Variants in KIF9 observed in about 807,000 individuals in gnomAD.
KIF9 encodes kinesin family member 9.
Under a neutral mutation model 94.8 loss-of-function variants are expected in KIF9, and 68 were observed. That is an observed-to-expected ratio of 0.72 (90% CI 0.59 to 0.88). The LOEUF (loss-of-function observed/expected upper bound fraction) is 0.88, where lower values mean the gene tolerates loss of function less well. Among genes scored for constraint, KIF9 ranks in the 40% least tolerant of loss-of-function variants. The pLI, the probability that KIF9 is intolerant of heterozygous loss-of-function variation, is 0.00. For missense variants in KIF9, 882 were observed against 982.5 expected, an observed-to-expected ratio of 0.90 and a Z score of 1.37; for synonymous variants, 343 against 362.1, an observed-to-expected ratio of 0.95 and a Z score of 0.60.
Position 47,235,524 on chromosome 3 carries a change from T to C in KIF9, c.2311A>G (p.Ile771Val). The C allele has an allele frequency of 1.2e-6, 2 of 1,612,944 alleles. No homozygotes were observed. Among genetic ancestry groups the C allele is most frequent in the Non-Finnish European group, 1.7e-6 (2 of 1,178,904 alleles). The change falls in exon 20 of 21, where the codon ATA (isoleucine) becomes GTA (valine). Residue 771 changes from isoleucine (I) to valine (V), a missense_variant. By Grantham distance (29) the Ile-to-Val change is conservative (BLOSUM62 3). Coordinates refer to ENST00000684063, the MANE Select transcript of KIF9 (RefSeq NM_182902.4). ...GGCCTCTGAGTTACCTTCTGCTCTA[T>C]CTTGACTTTGGCATTGTAGAAGGAG... Reference protein sequence around the residue: ...SISFYNAKVKIEQKHNYLKTM... With the variant: ...SISFYNAKVKVEQKHNYLKTM...
chr3:47,231,193 A>C (rs1259981811), intron 20 of KIF9, among the ~76,000 whole-genome samples: 1 of 152,174 alleles, frequency 6.6e-6, no homozygotes, highest in Non-Finnish European at 1.5e-5. Flanking sequence ...GTATGCAAAA[A>C]GATAACGGTT....
chr3:47,236,418 C>T lies in KIF9; in HGVS notation c.2101+25G>A, dbSNP rs770148203. On this transcript the variant is annotated intron_variant, in intron 18 of 20. Transcript: ENST00000684063. ...CTGAGTCTCCTTGTACCTCAGGTGG[C>T]GGCCAACCTTCCCAACTGTCGCACC... is the stretch of plus-strand genomic sequence containing the variant. The T allele has an allele frequency of 6.8e-6, 11 of 1,610,822 alleles. No individual in the cohort carries two copies. In the African/African-American group the frequency reaches 8.0e-5, roughly 12 times the overall value.
At chr3:47,246,145 G>C in intron 13 of KIF9, 52 bp downstream of exon 13, 1 of 1,532,606 alleles carries the variant, frequency 6.5e-7, no homozygotes, top group Non-Finnish European at 9.0e-7. Context: ...GATGGCAGGA[G>C]ATGAAAATGG....
intron 16 of KIF9, 68 bp from the exon 17 acceptor site, chr3:47,241,083 A>G (rs1199153229): frequency 7.9e-6 from 11 of 1,400,228 alleles, no homozygotes; most frequent in Non-Finnish European, 9.1e-6. Flanking sequence ...CAGGCACTTC[A>G]TCTTTCTTCC....
chr3:47,252,532 G>A (rs995901095), intron 10 of KIF9, among the ~76,000 whole-genome samples: 7 of 152,046 alleles, frequency 4.6e-5, no homozygotes, highest in Non-Finnish European at 8.8e-5. Flanking sequence ...AGGCAGTTGA[G>A]GCTGCAGTGA....
chr3:47,265,405 C>T (rs544750270), intron 8 of KIF9, among the ~76,000 whole-genome samples: 1 of 152,164 alleles, frequency 6.6e-6, no homozygotes, highest in East Asian at 1.9e-4. Context: ...AGGGAAGACA[C>T]CATGGGAGAG....
intron 10 of KIF9, among the ~76,000 whole-genome samples, chr3:47,253,518 T>C (rs1013827284): frequency 1.4e-4 from 21 of 152,150 alleles, no homozygotes; most frequent in Admixed American, 9.2e-4. Flanking sequence ...CTGCATACCA[T>C]GCTACAAATC....
intron 9 of KIF9, among the ~76,000 whole-genome samples, chr3:47,259,005 C>T (rs569082815): frequency 3.3e-5 from 5 of 152,252 alleles, no homozygotes; most frequent in South Asian, 2.1e-4. Flanking sequence ...CCCTGAGCAG[C>T]GTCTGCTCAA....
At chr3:47,268,423 G>A (rs761738207) in intron 5 of KIF9, among the ~76,000 whole-genome samples, 16 of 152,078 alleles carry the variant, frequency 1.1e-4, no homozygotes, top group East Asian at 3.9e-4. Context: ...GAGAGCACCC[G>A]CTGAAGAGGG....
At chr3:47,244,984 G>A in intron 14 of KIF9, 60 bp from the exon 15 acceptor site, 1 of 1,600,358 alleles carries the variant, frequency 6.2e-7, no homozygotes, top group South Asian at 1.1e-5. Flanking sequence ...ACCCCTTGGG[G>A]ACCCACATGT....
At chr3:47,247,027 A>G (rs1421896530) in intron 12 of KIF9, among the ~76,000 whole-genome samples, 1 of 152,182 alleles carries the variant, frequency 6.6e-6, no homozygotes, top group East Asian at 1.9e-4. Context: ...TTCTGCGGAC[A>G]CAGTCAAGCA....
At chr3:47,234,512 G>C (rs1270790849) in intron 20 of KIF9, among the ~76,000 whole-genome samples, 1 of 151,450 alleles carries the variant, frequency 6.6e-6, no homozygotes. Context: ...GGGATTACAG[G>C]CGTGAGCCAC....
chr3:47,270,692 T>C (rs1701590035), intron 5 of KIF9, among the ~76,000 whole-genome samples: 2 of 151,996 alleles, frequency 1.3e-5, no homozygotes, highest in Non-Finnish European at 2.9e-5. Flanking sequence ...TGTTGCCTTA[T>C]GTAAAAAACA....
At chr3:47,269,057 A>G (rs902690990) in intron 5 of KIF9, among the ~76,000 whole-genome samples, 1 of 152,092 alleles carries the variant, frequency 6.6e-6, no homozygotes, top group Non-Finnish European at 1.5e-5. Context: ...TACAGGTGTG[A>G]GACACCGCGC....
intron 2 of KIF9, among the ~76,000 whole-genome samples, chr3:47,276,178 T>C (rs1034685677): frequency 3.3e-5 from 5 of 152,186 alleles, no homozygotes; most frequent in African/African-American, 7.2e-5. Context: ...GAACTTCTGA[T>C]GTAAAGACTC....
Position 47,235,610 on chromosome 3 carries a change from T to C in KIF9, c.2225A>G (p.Asp742Gly), listed in dbSNP as rs1698961215. 6.2e-7 allele frequency: 1 copy of C among 1,613,450 alleles called. No homozygotes were observed. The highest frequency in any genetic ancestry group is 1.1e-5 in the South Asian group (1 of 91,068). Residue 742 changes from aspartate to glycine, a missense_variant, in exon 20 of 21, where the codon GAT (aspartate) becomes GGT (glycine). Coordinates refer to ENST00000684063, the MANE Select transcript of KIF9 (RefSeq NM_182902.4). ...CAGCTGGCTGAATTTGTCCTGGTCATCTTCTCCCTGGGGGAGGACAGTCCC... is the reference window on the plus strand; with the variant it reads ...CAGCTGGCTGAATTTGTCCTGGTCACCTTCTCCCTGGGGGAGGACAGTCCC... ...PVNRIVSLGE[D>G]DQDKFSQLQQ...
At chr3:47,255,581 G>A (rs1287884519) in intron 10 of KIF9, among the ~76,000 whole-genome samples, 2 of 152,298 alleles carry the variant, frequency 1.3e-5, no homozygotes, top group East Asian at 1.9e-4. Context: ...GTTCTCAAAT[G>A]TGACAAGGCA....
intron 3 of KIF9, among the ~76,000 whole-genome samples, chr3:47,274,378 T>C (rs1701833392): frequency 6.6e-6 from 1 of 152,202 alleles, no homozygotes; most frequent in South Asian, 2.1e-4. Context: ...CTATCTGTTC[T>C]TCCCCTTAGC....
Position 47,269,188 on chromosome 3 carries a change from G to GAAT in KIF9, c.592-1926_592-1925insATT, listed in dbSNP as rs1576064511. Among the ~76,000 whole-genome samples the GAAT allele has an allele frequency of 3.3e-5, 5 of 152,360 alleles. No individual in the cohort carries two copies. The East Asian group carries it at 9.6e-4, about 29-fold the overall frequency. ...GCCTGTGAATAGCCATTGCACATGT[G>GAAT]CCCATTGCCTGGGCAACACAGCGAG... is the stretch of plus-strand genomic sequence containing the variant. On this transcript the variant is annotated intron_variant, in intron 5 of 20. Coordinates refer to ENST00000684063, the MANE Select transcript of KIF9 (RefSeq NM_182902.4).
Sources: allele counts gnomAD v4.1 joint callset (sites outside exome capture counted in the v4.1 genomes callset), GRCh38; gene constraint gnomAD v4.1.1; transcripts MANE v1.5; gene names NCBI Gene and HGNC (gene_info 2026-07-23, HGNC 2026-07-21).